The following DSCAM variants were observed in gnomAD, a reference collection of about 807,000 sequenced individuals.
DSCAM encodes the protein cell adhesion molecule DSCAM.
Under a neutral mutation model 217.7 loss-of-function variants are expected in DSCAM, and 47 were observed. The observed-to-expected ratio is 0.22, with a 90% CI of 0.17 to 0.28. DSCAM has a LOEUF of 0.28. Among genes scored for constraint, DSCAM ranks in the 10% least tolerant of loss-of-function variants. The pLI, the probability that DSCAM is intolerant of heterozygous loss-of-function variation, is 1.00. For missense variants in DSCAM, 2,080 were observed against 2,618.3 expected (o/e 0.79, Z 4.49); for synonymous variants, 1,056 against 1,015.3 (o/e 1.04, Z -0.76).
rs2088158259 is a variant in DSCAM, at chr21:40,016,402, G to T, written c.5687-3016C>A. ...CGTACTTTGATGACAAAAGATGAAG[G>T]GTTTAGTTTCAGACCTGCTGAGTTT... On this transcript the variant is annotated intron_variant, in intron 32 of 32. Coordinates refer to ENST00000400454, the MANE Select transcript of DSCAM (RefSeq NM_001389.5). This position sits in a 1 kb window ranked among gnomAD's most constrained non-coding sequence, Gnocchi z 4.3. Among the ~76,000 whole-genome samples, 1 of 152,002 alleles carries T rather than the reference G, an allele frequency of 6.6e-6. No homozygotes were observed. The highest frequency in any genetic ancestry group is 1.5e-5 in the Non-Finnish European group (1 of 68,004).
At chr21:40,352,700 T>G (rs1017206931) in intron 5 of DSCAM, among the ~76,000 whole-genome samples, 1 of 152,236 alleles carries the variant, frequency 6.6e-6, no homozygotes, top group Non-Finnish European at 1.5e-5. Context: ...TATTGGCAAC[T>G]AAGACCTCCT....
chr21:40,763,856 A>G (rs568696070), intron 1 of DSCAM, among the ~76,000 whole-genome samples: 3 of 152,340 alleles, frequency 2.0e-5, no homozygotes, highest in African/African-American at 7.2e-5. Flanking sequence ...AGGATTCCCT[A>G]TTTAATAAAT....
chr21:40,402,551 A>G (rs1044221400), intron 3 of DSCAM, among the ~76,000 whole-genome samples: 1 of 152,020 alleles, frequency 6.6e-6, no homozygotes, highest in African/African-American at 2.4e-5. Flanking sequence ...GGAGTAAACT[A>G]TCTATATATT....
At chr21:40,529,449 G>A (rs184462575) in intron 3 of DSCAM, among the ~76,000 whole-genome samples, 2 of 152,144 alleles carry the variant, frequency 1.3e-5, no homozygotes, top group African/African-American at 2.4e-5. Context: ...AACCTTAACT[G>A]CAAAGTCTTG....
At chr21:40,321,317 T>C (rs903330450) in intron 8 of DSCAM, among the ~76,000 whole-genome samples, 1 of 152,246 alleles carries the variant, frequency 6.6e-6, no homozygotes, top group Non-Finnish European at 1.5e-5. Flanking sequence ...TATCTTCATC[T>C]TGATGTCTCA....
intron 9 of DSCAM, among the ~76,000 whole-genome samples, chr21:40,302,014 C>A (rs530016664): frequency 6.6e-6 from 1 of 152,136 alleles, no homozygotes; most frequent in Non-Finnish European, 1.5e-5. Flanking sequence ...AAACTTATGA[C>A]AGAACAAAAA....
chr21:40,451,296 C>T lies in DSCAM; in HGVS notation c.509-82051G>A, dbSNP rs114148613. ...GAAAGGAGAGCACTTACTATTATGG[C>T]CCAGCTCCCCATGGCACTTTCTACT... On this transcript the variant is annotated intron_variant, in intron 3 of 32. Transcript: ENST00000400454. 6.5e-3 allele frequency among the ~76,000 whole-genome samples: 996 copies of T among 152,286 alleles called. 16 individuals are homozygous for T. The highest frequency in any genetic ancestry group is 0.023 in the African/African-American group (952 of 41,562).
intron 3 of DSCAM, among the ~76,000 whole-genome samples, chr21:40,666,114 C>T (rs1010473706): frequency 6.6e-6 from 1 of 152,098 alleles, no homozygotes; most frequent in African/African-American, 2.4e-5. Flanking sequence ...CCTGAGGAGA[C>T]CAACCACATC....
chr21:40,352,718 C>T (rs554977212), intron 5 of DSCAM, among the ~76,000 whole-genome samples: 8 of 152,238 alleles, frequency 5.3e-5, no homozygotes, highest in Non-Finnish European at 1.2e-4. Flanking sequence ...CCTCTCTGAC[C>T]AATGCTCTGC....
intron 3 of DSCAM, among the ~76,000 whole-genome samples, chr21:40,525,029 A>AAAAAAAAAAAAAAAAAAAAC (rs2076389785): frequency 6.6e-6 from 1 of 151,682 alleles, no homozygotes; most frequent in Non-Finnish European, 1.5e-5. Context: ...AAAAAAAAAA[A>AAAAAAAAAAAAAAAAAAAAC]AATCCATTCA....
intron 27 of DSCAM, among the ~76,000 whole-genome samples, chr21:40,067,444 G>A (rs1175037382): frequency 6.6e-6 from 1 of 152,126 alleles, no homozygotes; most frequent in Non-Finnish European, 1.5e-5. Flanking sequence ...CATGGGACTG[G>A]AACCCCATGA....
rs2146403468 is a variant in DSCAM at position 40,013,430 on chromosome 21, A to G, written c.5687-44T>C. On this transcript the variant is annotated intron_variant, in intron 32 of 32. Transcript: ENST00000400454. ...TAGTTAGTTGGTGTCTTCATTTGGT[A>G]AACATGGGCAGAATGTCCTGTGTGC... 6.4e-6 allele frequency: 9 copies of G among 1,409,362 alleles called. 1 individual carries two copies. The highest frequency in any genetic ancestry group is 4.1e-4 in the Middle Eastern group (2 of 4,828). The allele number at this position is 1,409,362 out of a possible 1,614,324, so 87.3% of individuals were successfully genotyped here.
At chr21:40,576,024 C>A (rs903157433) in intron 3 of DSCAM, among the ~76,000 whole-genome samples, 1 of 152,170 alleles carries the variant, frequency 6.6e-6, no homozygotes, top group Non-Finnish European at 1.5e-5. Flanking sequence ...CAAGAACTAT[C>A]ATACATTTCT....
intron 3 of DSCAM, among the ~76,000 whole-genome samples, chr21:40,451,982 G>A (rs924264584): frequency 8.5e-5 from 13 of 152,066 alleles, no homozygotes; most frequent in African/African-American, 2.9e-4. Flanking sequence ...AACAGTCAGC[G>A]CTACTGCTGA....
chr21:40,405,411 C>A (rs2075271953), intron 3 of DSCAM, among the ~76,000 whole-genome samples: 2 of 151,994 alleles, frequency 1.3e-5, no homozygotes, highest in South Asian at 4.2e-4. Flanking sequence ...AAAGTGGTCC[C>A]CAGTAGAAAA....
chr21:40,448,253 C>A (rs371060954), intron 3 of DSCAM, among the ~76,000 whole-genome samples: 5 of 152,134 alleles, frequency 3.3e-5, no homozygotes, highest in Admixed American at 6.5e-5. Flanking sequence ...CCCTCAGCAA[C>A]GTAGGCACAC....
At chr21:40,310,866 G>A (rs2123488025) in intron 9 of DSCAM, among the ~76,000 whole-genome samples, 1 of 152,210 alleles carries the variant, frequency 6.6e-6, no homozygotes, top group East Asian at 1.9e-4. Context: ...AGTGCAAGGT[G>A]GAAATGAGAA....
At chr21:40,041,599 T>C (rs1277625036) in intron 32 of DSCAM, among the ~76,000 whole-genome samples, 3 of 152,204 alleles carry the variant, frequency 2.0e-5, no homozygotes, top group Non-Finnish European at 4.4e-5. Flanking sequence ...CCTTTGACCC[T>C]GTTCTCTAGC....
intron 3 of DSCAM, among the ~76,000 whole-genome samples, chr21:40,551,838 A>G (rs1335139571): frequency 1.3e-5 from 2 of 152,156 alleles, no homozygotes; most frequent in Non-Finnish European, 2.9e-5. Context: ...GGCAGAGTGT[A>G]TAATGAGACA....
Sources: gnomAD v4.1 joint callset for allele counts (sites outside exome capture counted in the v4.1 genomes callset) on GRCh38, gnomAD v4.1.1 for gene constraint, Gnocchi (gnomAD v3.1) non-coding constraint, MANE v1.5 for transcripts, NCBI Gene and HGNC (gene_info 2026-07-23, HGNC 2026-07-21) for gene names.